The following SLC23A2 variants were observed in gnomAD, a reference collection of about 807,000 sequenced individuals.
SLC23A2 encodes solute carrier family 23 member 2, also known as Na(+)/L-ascorbic acid transporter 2.
SLC23A2 carries 36 observed loss-of-function variants against 73.3 expected under a neutral mutation model. That is an observed-to-expected ratio of 0.49 (90% confidence interval 0.38 to 0.65). The LOEUF is 0.65. SLC23A2 is among the 30% of genes least tolerant of loss of function. The probability of loss-of-function intolerance (pLI) is 0.00; values close to 1 mark genes in which losing one functional copy is unlikely to be tolerated. For missense variants in SLC23A2, 507 were observed against 841.6 expected (o/e 0.60, Z 4.92); for synonymous variants, 343 against 327.3 (o/e 1.05, Z -0.52).
intron 2 of SLC23A2, among the ~76,000 whole-genome samples, chr20:4,941,970 C>CT (rs1467708105): frequency 6.6e-6 from 1 of 152,102 alleles, no homozygotes; most frequent in Non-Finnish European, 1.5e-5. Context: ...ACACAAATGA[C>CT]TTATTTTCCT....
rs367780174 is a variant in SLC23A2 at position 4,983,434 on chromosome 20, G to C, written c.-281-12515C>G. ...GGCCAAGGCGGGCAGATCACAAGGT[G>C]AGGAGATCGAGACCATCCTGGCCAA... On this transcript the variant is annotated intron_variant, in intron 1 of 16. Transcript: ENST00000338244. Among the ~76,000 whole-genome samples the C allele has an allele frequency of 1.5e-3, 235 of 151,782 alleles. 2 individuals carry two copies. Among genetic ancestry groups the C allele is most frequent in the East Asian group, 0.014 (74 of 5,118 alleles).
At chr20:4,990,352 C>G (rs2087905401) in intron 1 of SLC23A2, among the ~76,000 whole-genome samples, 1 of 151,834 alleles carries the variant, frequency 6.6e-6, no homozygotes, top group Admixed American at 6.6e-5. Flanking sequence ...GATTCCATCT[C>G]TAGCTTATTT....
chr20:4,871,702 T>A (rs1018772983), intron 11 of SLC23A2, among the ~76,000 whole-genome samples: 2 of 152,000 alleles, frequency 1.3e-5, no homozygotes, highest in African/African-American at 4.8e-5. Context: ...TGGTCAGGGG[T>A]GCAAGGTACG....
At chr20:4,996,834 C>T (rs2088031424) in intron 1 of SLC23A2, among the ~76,000 whole-genome samples, 1 of 151,988 alleles carries the variant, frequency 6.6e-6, no homozygotes, top group East Asian at 1.9e-4. Context: ...TGGCTGAGGT[C>T]ACCTGAGGTC....
At chr20:4,921,578 C>A (rs1396195301) in intron 3 of SLC23A2, among the ~76,000 whole-genome samples, 4 of 150,134 alleles carry the variant, frequency 2.7e-5, no homozygotes, top group African/African-American at 9.8e-5. Context: ...AGAGTGAGAC[C>A]CTGTCTCAAA....
At chr20:4,870,077 A>G in intron 11 of SLC23A2, 24 bp from the exon 12 acceptor site, 2 of 1,576,214 alleles carry the variant, frequency 1.3e-6, no homozygotes, top group Non-Finnish European at 1.7e-6. Flanking sequence ...ACAACCATGA[A>G]TGCTCCTAGA....
At chr20:4,961,274 G>C (rs2087382048) in intron 2 of SLC23A2, among the ~76,000 whole-genome samples, 1 of 151,884 alleles carries the variant, frequency 6.6e-6, no homozygotes, top group African/African-American at 2.4e-5. Flanking sequence ...GTAGAGACGG[G>C]GTTTCACCTT....
At chr20:5,003,384 AAAAACAAAAC>A (rs56329268), upstream of SLC23A2, among the ~76,000 whole-genome samples, 2 of 152,174 alleles carry the variant, frequency 1.3e-5, no homozygotes, top group South Asian at 2.1e-4. Flanking sequence ...ACTCCGTCTC[AAAAACAAAAC>A]AAAACAAAAC....
intron 2 of SLC23A2, among the ~76,000 whole-genome samples, chr20:4,944,279 G>A (rs1331127941): frequency 3.3e-5 from 5 of 152,006 alleles, no homozygotes; most frequent in Non-Finnish European, 5.9e-5. Context: ...TTGCTCCGTC[G>A]CCCAGGCTGG....
At chr20:4,959,920 A>T (rs1174557349) in intron 2 of SLC23A2, among the ~76,000 whole-genome samples, 1 of 152,166 alleles carries the variant, frequency 6.6e-6, no homozygotes, top group African/African-American at 2.4e-5. Flanking sequence ...AGTAGAGAGA[A>T]CTACAGATGT....
chr20:4,859,251 TAAA>T, intron 16 of SLC23A2, 35 bp downstream of exon 16: 4 of 1,008,280 alleles, frequency 4.0e-6, no homozygotes, highest in South Asian at 1.6e-5. Flanking sequence ...TGTTAAAAAA[TAAA>T]AAAAAAAAAA....
At chr20:4,977,697 C>CA (rs137934100) in intron 1 of SLC23A2, among the ~76,000 whole-genome samples, 19 of 142,642 alleles carry the variant, frequency 1.3e-4, no homozygotes, top group African/African-American at 4.3e-4. Context: ...GACTCTGTCC[C>CA]CAAAAAAAAA....
chr20:5,005,166 G>A (rs2122396964), upstream of SLC23A2, among the ~76,000 whole-genome samples: 1 of 149,820 alleles, frequency 6.7e-6, no homozygotes, highest in African/African-American at 2.4e-5. Context: ...AACTGGCTTT[G>A]GTATCAGCAG....
At chr20:4,941,506 C>T (rs1319971186) in intron 2 of SLC23A2, among the ~76,000 whole-genome samples, 1 of 152,010 alleles carries the variant, frequency 6.6e-6, no homozygotes, top group Non-Finnish European at 1.5e-5. Context: ...AGTTCGAAAC[C>T]AGCCTGGCCA....
chr20:4,915,575 G>A (rs1932293635), intron 3 of SLC23A2, among the ~76,000 whole-genome samples: 1 of 152,160 alleles, frequency 6.6e-6, no homozygotes, highest in South Asian at 2.1e-4. Context: ...TTGTAGTCAA[G>A]GAAATCAGGG....
At chr20:4,924,442 A>G (rs1415802926) in intron 3 of SLC23A2, among the ~76,000 whole-genome samples, 1 of 152,104 alleles carries the variant, frequency 6.6e-6, no homozygotes, top group Admixed American at 6.5e-5. Flanking sequence ...CCACCTCCAC[A>G]TGGCAAGCAC....
chr20:4,971,866 C>T (rs1300607422), intron 1 of SLC23A2, among the ~76,000 whole-genome samples: 2 of 152,078 alleles, frequency 1.3e-5, no homozygotes, highest in East Asian at 3.8e-4. Flanking sequence ...TTCCCTAGCA[C>T]AGGGTCTTTG....
At chr20:4,920,883 A>T (rs1368264973) in intron 3 of SLC23A2, among the ~76,000 whole-genome samples, 2 of 152,142 alleles carry the variant, frequency 1.3e-5, no homozygotes, top group Non-Finnish European at 2.9e-5. Flanking sequence ...AGATCCAGGG[A>T]TCTTCTCTGT....
chr20:4,882,202 C>A (rs572181685), intron 9 of SLC23A2, among the ~76,000 whole-genome samples: 13 of 152,108 alleles, frequency 8.5e-5, no homozygotes, highest in Admixed American at 7.2e-4. Flanking sequence ...CATGGTGAAA[C>A]CGTCTCTACT....
Sources: allele counts gnomAD v4.1 joint callset (sites outside exome capture counted in the v4.1 genomes callset), GRCh38; gene constraint gnomAD v4.1.1; transcripts MANE v1.5; gene names NCBI Gene and HGNC (gene_info 2026-07-23, HGNC 2026-07-21).